KCNH1: variants seen among roughly 807,000 people sequenced by gnomAD.
KCNH1 encodes the protein potassium voltage-gated channel subfamily H member 1, also known as voltage-gated delayed rectifier potassium channel KCNH1.
KCNH1 carries 27 observed loss-of-function variants against 69.2 expected under a neutral mutation model. The observed-to-expected ratio is 0.39, with a 90% CI of 0.29 to 0.54. The LOEUF (loss-of-function observed/expected upper bound fraction) is 0.54, where lower values mean the gene tolerates loss of function less well. Among genes scored for constraint, KCNH1 ranks in the 20% least tolerant of loss-of-function variants. The pLI, the probability that KCNH1 is intolerant of heterozygous loss-of-function variation, is 0.68. For synonymous variants in KCNH1, 456 were observed against 487.7 expected, an observed-to-expected ratio of 0.93 and a Z score of 0.86; for missense variants, 798 against 1,261.6, an observed-to-expected ratio of 0.63 and a Z score of 5.57.
At position 210,804,181 on chromosome 1, in the gene KCNH1, G is replaced by C. The variant is rs1461023200; in HGVS notation, c.1463-15C>G. 1 of 1,596,316 alleles carries C rather than the reference G, an allele frequency of 6.3e-7. No homozygotes were observed. Among genetic ancestry groups the C allele is most frequent in the African/African-American group, 1.3e-5 (1 of 74,608 alleles). On this transcript the variant is annotated splice_polypyrimidine_tract_variant and intron_variant, in intron 7 of 10. Transcript: ENST00000271751. ...ATAGAGAAGTGCTAGAGGTGAGGAG[G>C]AGGAGCAAAAGAAGAAATAACAAGT...
At chr1:210,964,017 A>G (rs536397781) in intron 6 of KCNH1, among the ~76,000 whole-genome samples, 1 of 152,350 alleles carries the variant, frequency 6.6e-6, no homozygotes, top group East Asian at 1.9e-4. Context: ...GAAATGAAGG[A>G]AAAAATGTTA....
chr1:210,721,673 G>A (rs1426793667), intron 10 of KCNH1, among the ~76,000 whole-genome samples: 1 of 152,042 alleles, frequency 6.6e-6, no homozygotes, highest in South Asian at 2.1e-4. Flanking sequence ...GAGCGGGGAG[G>A]GATAGCATTA....
chr1:210,912,858 T>C (rs763216608), intron 7 of KCNH1, among the ~76,000 whole-genome samples: 3 of 152,202 alleles, frequency 2.0e-5, no homozygotes, highest in East Asian at 1.9e-4. Flanking sequence ...AAGAGCAAGA[T>C]GACCCACAGG....
chr1:210,990,989 A>C (rs1688924962), intron 6 of KCNH1, among the ~76,000 whole-genome samples: 1 of 152,196 alleles, frequency 6.6e-6, no homozygotes, highest in Admixed American at 6.5e-5. Flanking sequence ...ATTCTCTCTA[A>C]AGGCCCTTAC....
chr1:211,074,883 G>A (rs999368129), intron 5 of KCNH1, among the ~76,000 whole-genome samples: 10 of 152,084 alleles, frequency 6.6e-5, no homozygotes, highest in Admixed American at 2.0e-4. Context: ...TGTGAATTTC[G>A]GACACAAGCA....
intron 5 of KCNH1, among the ~76,000 whole-genome samples, chr1:211,059,963 A>G (rs1690400816): frequency 6.6e-6 from 1 of 152,218 alleles, no homozygotes; most frequent in African/African-American, 2.4e-5. Flanking sequence ...ATAATTCTTA[A>G]GGAAAGACCA....
chr1:210,854,440 C>A (rs932598051), intron 7 of KCNH1, among the ~76,000 whole-genome samples: 1 of 152,178 alleles, frequency 6.6e-6, no homozygotes, highest in Admixed American at 6.5e-5. Context: ...CCTGGAAAAC[C>A]TACAACCAAA....
At chr1:210,931,493 C>T (rs1687679615) in intron 6 of KCNH1, among the ~76,000 whole-genome samples, 2 of 151,942 alleles carry the variant, frequency 1.3e-5, no homozygotes, top group Non-Finnish European at 2.9e-5. Flanking sequence ...AAGAATGATA[C>T]ATTGGACTTT....
chr1:210,736,549 C>A (rs771396531), intron 10 of KCNH1, among the ~76,000 whole-genome samples: 1 of 151,554 alleles, frequency 6.6e-6, no homozygotes, highest in Non-Finnish European at 1.5e-5. Flanking sequence ...ATCCCCCCTC[C>A]AAAAAAAAAT....
At chr1:211,055,512 G>A in intron 5 of KCNH1, among the ~76,000 whole-genome samples, 1 of 152,226 alleles carries the variant, frequency 6.6e-6, no homozygotes, top group East Asian at 1.9e-4. Context: ...TCCTGGGCAA[G>A]TCCTGGTGCT....
chr1:211,097,089 GAGA>G (rs765418131), intron 3 of KCNH1, among the ~76,000 whole-genome samples: 2 of 152,158 alleles, frequency 1.3e-5, no homozygotes, highest in Non-Finnish European at 2.9e-5. Flanking sequence ...AGGGTTCCTA[GAGA>G]AGAAGACAGA....
chr1:210,701,188 C>A (rs1004269433), intron 10 of KCNH1, among the ~76,000 whole-genome samples: 2 of 152,200 alleles, frequency 1.3e-5, no homozygotes, highest in Non-Finnish European at 2.9e-5. Flanking sequence ...CTGCCCGCCT[C>A]AGCCTCCCAA....
intron 10 of KCNH1, among the ~76,000 whole-genome samples, chr1:210,764,222 G>C (rs535753588): frequency 6.6e-6 from 1 of 152,162 alleles, no homozygotes; most frequent in East Asian, 1.9e-4. Context: ...ATTAACACAA[G>C]ATGAATTAAA....
intron 6 of KCNH1, among the ~76,000 whole-genome samples, chr1:210,996,025 G>A (rs1329188241): frequency 6.6e-6 from 1 of 152,188 alleles, no homozygotes; most frequent in African/African-American, 2.4e-5. Flanking sequence ...GGCCGAATAG[G>A]AACAGCTCTG....
intron 5 of KCNH1, among the ~76,000 whole-genome samples, chr1:211,028,970 A>T (rs571124588): frequency 6.6e-6 from 1 of 152,110 alleles, no homozygotes; most frequent in East Asian, 1.9e-4. Flanking sequence ...AAAACTACAG[A>T]CTAATAGCTC....
chr1:210,692,106 T>A (rs1389907455), intron 10 of KCNH1, among the ~76,000 whole-genome samples: 1 of 152,234 alleles, frequency 6.6e-6, no homozygotes, highest in Non-Finnish European at 1.5e-5. Context: ...CCATGCAGCA[T>A]CTGCACTTTC....
chr1:210,728,469 T>C (rs1031069933), intron 10 of KCNH1, among the ~76,000 whole-genome samples: 2 of 152,196 alleles, frequency 1.3e-5, no homozygotes, highest in South Asian at 2.1e-4. Flanking sequence ...GATTTCAGTA[T>C]AACAATTACC....
At chr1:211,128,297 A>AG (rs1303661209) in intron 1 of KCNH1, among the ~76,000 whole-genome samples, 115 of 152,082 alleles carry the variant, frequency 7.6e-4, no homozygotes, top group African/African-American at 1.3e-3. Flanking sequence ...AAAAAAAAAA[A>AG]AAAGAAAGAG....
chr1:210,852,685 G>A (rs756245843), intron 7 of KCNH1, among the ~76,000 whole-genome samples: 16 of 152,094 alleles, frequency 1.1e-4, no homozygotes, highest in Non-Finnish European at 1.6e-4. Context: ...AGGCAAACGC[G>A]CTTGGCCCAA....
Sources: gnomAD v4.1 joint callset for allele counts (sites outside exome capture counted in the v4.1 genomes callset) on GRCh38, gnomAD v4.1.1 for gene constraint, MANE v1.5 for transcripts, NCBI Gene and HGNC (gene_info 2026-07-23, HGNC 2026-07-21) for gene names.